ZBTB43: variants seen among roughly 807,000 people sequenced by gnomAD.
ZBTB43 encodes the protein zinc finger and BTB domain-containing protein 43.
A neutral mutation model predicts 31.1 loss-of-function variants in ZBTB43; 6 were observed. That is an observed-to-expected ratio of 0.19 (90% CI 0.11 to 0.38). The LOEUF (loss-of-function observed/expected upper bound fraction) is 0.38, where lower values mean the gene tolerates loss of function less well. Among genes scored for constraint, ZBTB43 ranks in the 10% least tolerant of loss-of-function variants. The pLI is 1.00. For synonymous variants in ZBTB43, 212 were observed against 221.7 expected (o/e 0.96, Z 0.39); for missense variants, 379 against 602.1 (o/e 0.63, Z 3.88).
At chr9:126,810,813 T>A (rs1473477487) in intron 2 of ZBTB43, among the ~76,000 whole-genome samples, 1 of 151,884 alleles carries the variant, frequency 6.6e-6, no homozygotes, top group African/African-American at 2.4e-5. Flanking sequence ...TGGGCCATCT[T>A]AAGTCTAAGG....
Position 126,836,356 on chromosome 9 carries a change from T to C in ZBTB43, c.*2443T>C, listed in dbSNP as rs1320942395. Reference sequence around the variant, plus strand: ...CCTTATGTGTCCATCAGCTACTAAATGTAGAACTTAAATAAGTTGCTCACA... The same window carrying C: ...CCTTATGTGTCCATCAGCTACTAAACGTAGAACTTAAATAAGTTGCTCACA... On this transcript the variant is annotated 3_prime_UTR_variant, in exon 3 of 3. Transcript: ENST00000373464. The C allele has an allele frequency of 6.0e-6, 1 of 166,114 alleles. No individual in the cohort carries two copies. Among genetic ancestry groups the C allele is most frequent in the East Asian group, 2.3e-4 (1 of 4,362 alleles). The allele number at this position is 166,114 out of a possible 1,614,324, so 10.3% of individuals were successfully genotyped here.
Position 126,833,892 on chromosome 9 carries a change from G to A in ZBTB43, c.1383G>A (p.Gln461=). Residue 461 remains glutamine (Q), a synonymous_variant, in exon 3 of 3, where the codon CAG becomes CAA. Coordinates refer to ENST00000373464, the MANE Select transcript of ZBTB43 (RefSeq NM_014007.4). The surrounding 1 kb of genome is among the most constrained non-coding windows in gnomAD (Gnocchi z 7.9). ...CCTACGAAGCTGCAAAGGCTGAGCAGAATACAACTGAGGCTAACTAAAAAT... is the reference window on the plus strand; with the variant it reads ...CCTACGAAGCTGCAAAGGCTGAGCAAAATACAACTGAGGCTAACTAAAAAT... ...TKSYEAAKAE[Q]NTTEAN 1 of 1,583,636 alleles carries A rather than the reference G, an allele frequency of 6.3e-7. No homozygotes were observed. Among genetic ancestry groups the A allele is most frequent in the Non-Finnish European group, 8.7e-7 (1 of 1,155,820 alleles).
chr9:126,823,916 A>G (rs1210370223), intron 2 of ZBTB43, among the ~76,000 whole-genome samples: 6 of 152,210 alleles, frequency 3.9e-5, no homozygotes, highest in African/African-American at 1.2e-4. Context: ...CACTGATTAT[A>G]TCTTTATATA....
chr9:126,830,093 TC>T (rs2032732804), intron 2 of ZBTB43, among the ~76,000 whole-genome samples: 1 of 152,208 alleles, frequency 6.6e-6, no homozygotes, highest in African/African-American at 2.4e-5. Flanking sequence ...TTTAGAGTCA[TC>T]CAGACCTGGA....
At chr9:126,825,843 T>A (rs540300735) in intron 2 of ZBTB43, among the ~76,000 whole-genome samples, 49 of 12,636 alleles carry the variant, frequency 3.9e-3, no homozygotes, top group African/African-American at 0.011. Flanking sequence ...CCTTTTTATA[T>A]TTTTTTTTTT....
intron 2 of ZBTB43, among the ~76,000 whole-genome samples, chr9:126,812,605 A>G (rs1243804040): frequency 6.6e-6 from 1 of 152,198 alleles, no homozygotes. Context: ...TTTGACAGCC[A>G]TTTTAGTGAG....
At chr9:126,807,558 A>T (rs1052858348) in intron 1 of ZBTB43, among the ~76,000 whole-genome samples, 2 of 152,208 alleles carry the variant, frequency 1.3e-5, no homozygotes, top group African/African-American at 2.4e-5. Flanking sequence ...GGAATTTTAA[A>T]ATGTGAAAAA....
chr9:126,811,724 C>G (rs1315934102), intron 2 of ZBTB43, among the ~76,000 whole-genome samples: 1 of 152,154 alleles, frequency 6.6e-6, no homozygotes, highest in Non-Finnish European at 1.5e-5. Flanking sequence ...CTCCTGGGTT[C>G]AAGTGATTCT....
At position 126,826,454 on chromosome 9, in the gene ZBTB43, CTTTTTTTTT is replaced by C. The variant is rs35094731; in HGVS notation, c.-23-6014_-23-6006del. On this transcript the variant is annotated intron_variant, in intron 2 of 2. Transcript: ENST00000373464. ...GCGCCACCACTCCTGGCCCCCCCGC[CTTTTTTTTT>C]TTTTTTTTTTTTTTTTTTGAGACAG... 6.0e-4 allele frequency among the ~76,000 whole-genome samples: 32 copies of C among 53,592 alleles called. 2 individuals are homozygous for C. Among genetic ancestry groups the C allele is most frequent in the African/African-American group, 1.5e-3 (28 of 18,486 alleles). 35.2% of individuals were successfully genotyped at this position (53,592 alleles called of 152,430 possible). A position where few individuals can be genotyped will look rare whatever the true frequency, so the allele number is the denominator to read the frequency against.
intron 2 of ZBTB43, among the ~76,000 whole-genome samples, chr9:126,823,408 A>T (rs781163137): frequency 2.0e-5 from 3 of 152,196 alleles, no homozygotes; most frequent in African/African-American, 7.2e-5. Flanking sequence ...ATCATTTCTA[A>T]TAATATAGCC....
Position 126,806,119 on chromosome 9 carries a change from C to A in ZBTB43, c.-147+987C>A, listed in dbSNP as rs193269812. Among the ~76,000 whole-genome samples, 217 of 152,318 alleles carry A rather than the reference C, an allele frequency of 1.4e-3. 5 individuals are homozygous for A. The South Asian group carries it at 0.02, about 14-fold the overall frequency. ...TCAGGCCTGCACAGCTTCCCAAATGCCTTCGCTCTATCCACTCACCACAGG... is the reference window on the plus strand; with the variant it reads ...TCAGGCCTGCACAGCTTCCCAAATGACTTCGCTCTATCCACTCACCACAGG... On this transcript the variant is annotated intron_variant, in intron 1 of 2. Transcript: ENST00000373464.
rs2032797473 is a variant in ZBTB43, at chr9:126,833,081, A to C, written c.572A>C (p.Glu191Ala). The C allele has an allele frequency of 6.2e-7, 1 of 1,613,968 alleles. No homozygotes were observed. Among genetic ancestry groups the C allele is most frequent in the African/African-American group, 1.3e-5 (1 of 74,916 alleles). The change falls in exon 3 of 3, where the codon GAG becomes GCG. Residue 191 changes from glutamate (E) to alanine (A), a missense_variant. Coordinates refer to ENST00000373464, the MANE Select transcript of ZBTB43 (RefSeq NM_014007.4). This position sits in a 1 kb window ranked among gnomAD's most constrained non-coding sequence, Gnocchi z 7.9. ...GACGAGCTGTCATCCCAGCTCACCG[A>C]GCACGAATACCTGCCCAGCAACTCG... ...TKDELSSQLTEHEYLPSNSST... is the reference protein window; with the variant it reads ...TKDELSSQLTAHEYLPSNSST...
intron 2 of ZBTB43, among the ~76,000 whole-genome samples, chr9:126,810,126 C>T (rs1029474405): frequency 9.3e-5 from 14 of 151,254 alleles, no homozygotes; most frequent in African/African-American, 3.2e-4. Context: ...TGAGCCACCG[C>T]GCCCGGCCCA....
At chr9:126,817,536 C>T (rs150939968) in intron 2 of ZBTB43, among the ~76,000 whole-genome samples, 15,318 of 149,794 alleles carry the variant, frequency 0.1, 2,428 homozygotes, top group African/African-American at 0.34. Context: ...AGTGCAGTGG[C>T]GTGATTGCGG....
intron 2 of ZBTB43, among the ~76,000 whole-genome samples, chr9:126,819,724 T>G (rs1463643686): frequency 3.3e-5 from 5 of 152,090 alleles, no homozygotes; most frequent in African/African-American, 4.8e-5. Context: ...AAGCTAGAAA[T>G]GACTAAGCTT....
At chr9:126,827,766 G>T (rs1052203842) in intron 2 of ZBTB43, among the ~76,000 whole-genome samples, 1 of 152,182 alleles carries the variant, frequency 6.6e-6, no homozygotes, top group Admixed American at 6.5e-5. Flanking sequence ...CCAGTACTTT[G>T]GGAGACTGAG....
In ZBTB43 at chr9:126,833,969, C is replaced by G; in HGVS notation, c.*56C>G. On this transcript the variant is annotated 3_prime_UTR_variant, in exon 3 of 3. Coordinates refer to ENST00000373464, the MANE Select transcript of ZBTB43 (RefSeq NM_014007.4). This position sits in a 1 kb window ranked among gnomAD's most constrained non-coding sequence, Gnocchi z 7.9. The stretch of plus-strand genomic sequence containing the variant: ...CAAAAATAAACTATGGTAATTAATG[C>G]AAATCTGGGCACAGATGATGCGTGC... 6.8e-7 allele frequency: 1 copy of G among 1,480,438 alleles called. No individual in the cohort carries two copies. Among genetic ancestry groups the G allele is most frequent in the Non-Finnish European group, 9.1e-7 (1 of 1,103,344 alleles). 91.7% of individuals were successfully genotyped at this position (1,480,438 alleles called of 1,614,324 possible).
At chr9:126,806,384 A>G (rs1015029787) in intron 1 of ZBTB43, among the ~76,000 whole-genome samples, 2 of 152,258 alleles carry the variant, frequency 1.3e-5, no homozygotes, top group African/African-American at 4.8e-5. Context: ...GAAATAAACC[A>G]CACACAAAAG....
intron 2 of ZBTB43, among the ~76,000 whole-genome samples, chr9:126,816,931 T>C (rs1309159323): frequency 6.6e-6 from 1 of 152,090 alleles, no homozygotes; most frequent in Non-Finnish European, 1.5e-5. Flanking sequence ...GGTATCCTAA[T>C]ACCACCCACC....
Sources: allele counts gnomAD v4.1 joint callset (sites outside exome capture counted in the v4.1 genomes callset), GRCh38; gene constraint gnomAD v4.1.1; non-coding constraint Gnocchi (gnomAD v3.1); transcripts MANE v1.5; gene names NCBI Gene and HGNC (gene_info 2026-07-23, HGNC 2026-07-21).